EZR: variants seen among roughly 807,000 people sequenced by gnomAD.
EZR encodes the protein cytovillin 2.
A neutral mutation model predicts 74.8 loss-of-function variants in EZR; 40 were observed. The observed-to-expected ratio is 0.53, with a 90% confidence interval of 0.42 to 0.70. The LOEUF is 0.70. EZR is among the 30% of genes least tolerant of loss of function. The pLI is 0.00. For missense variants in EZR, 678 were observed against 755.8 expected (o/e 0.90, Z 1.21); for synonymous variants, 341 against 283.3 (o/e 1.20, Z -2.05).
At chr6:158,818,198 G>A in intron 1 of EZR, 32 bp from the exon 2 acceptor site, 12 of 1,248,110 alleles carry the variant, frequency 9.6e-6, no homozygotes, top group South Asian at 2.9e-5. Flanking sequence ...TAGAGCGCCC[G>A]CCCGCCCTGC....
chr6:158,769,525 T>C (rs1791028987), intron 11 of EZR, 107 bp from the exon 12 acceptor site: 2 of 1,175,308 alleles, frequency 1.7e-6, no homozygotes, highest in Admixed American at 1.9e-5. Flanking sequence ...ACGTGACACC[T>C]GAGTCCCCGC....
chr6:158,773,753 G>A (rs1255594338), intron 8 of EZR, among the ~76,000 whole-genome samples: 6 of 152,262 alleles, frequency 3.9e-5, no homozygotes, highest in Non-Finnish European at 8.8e-5. Context: ...CGTGGGGGAA[G>A]CGTCCGAGGA....
intron 2 of EZR, among the ~76,000 whole-genome samples, chr6:158,790,955 A>T (rs1407896662): frequency 1.3e-5 from 2 of 152,216 alleles, no homozygotes; most frequent in African/African-American, 4.8e-5. Flanking sequence ...CACAGGTGTA[A>T]ATGTAATAAG....
At chr6:158,794,520 C>G (rs1777025026) in intron 2 of EZR, among the ~76,000 whole-genome samples, 1 of 152,176 alleles carries the variant, frequency 6.6e-6, no homozygotes, top group South Asian at 2.1e-4. Flanking sequence ...CTGATACACA[C>G]AAGGATTGTC....
intron 2 of EZR, among the ~76,000 whole-genome samples, chr6:158,810,991 T>C (rs1215918706): frequency 6.6e-6 from 1 of 152,222 alleles, no homozygotes; most frequent in Non-Finnish European, 1.5e-5. Context: ...AAATTCTCTT[T>C]ATAGCTCTTT....
At chr6:158,767,767 C>CTA (rs1398779160) in intron 12 of EZR, among the ~76,000 whole-genome samples, 4 of 152,116 alleles carry the variant, frequency 2.6e-5, no homozygotes, top group Non-Finnish European at 5.9e-5. Context: ...ACCTGTAACT[C>CTA]TAGACATTAT....
At chr6:158,788,898 A>ACT (rs1301754459) in intron 3 of EZR, among the ~76,000 whole-genome samples, 4 of 152,138 alleles carry the variant, frequency 2.6e-5, no homozygotes, top group Non-Finnish European at 5.9e-5. Context: ...GAGGGGTTCT[A>ACT]CTCTGGAGGT....
chr6:158,780,054 G>A (rs933631907), intron 7 of EZR, among the ~76,000 whole-genome samples: 4 of 152,026 alleles, frequency 2.6e-5, no homozygotes, highest in African/African-American at 4.8e-5. Context: ...GTGGTGGCAT[G>A]TGCCTGTAAT....
rs917454692 is a variant in EZR, at chr6:158,769,517, G to GT, written c.1252-100dup. 5 of 1,250,930 alleles carry GT rather than the reference G, an allele frequency of 4.0e-6. No individual in the cohort carries two copies. The Admixed American group carries it at 5.7e-5, about 14-fold the overall frequency. 77.5% of individuals were successfully genotyped at this position (1,250,930 alleles called of 1,614,324 possible). ...TGTGTGTTGGCAAGCAGTCTCCAAC[G>GT]TGACACCTGAGTCCCCGCCACCCCC... On this transcript the variant is annotated intron_variant, in intron 11 of 13. Coordinates refer to ENST00000367075, the MANE Select transcript of EZR (RefSeq NM_001111077.2).
intron 6 of EZR, among the ~76,000 whole-genome samples, chr6:158,784,220 G>GTTAA (rs1791506512): frequency 6.6e-6 from 1 of 152,150 alleles, no homozygotes; most frequent in Non-Finnish European, 1.5e-5. Context: ...ACAGCCCCAC[G>GTTAA]TCCAGGTTCT....
At chr6:158,784,789 C>T in intron 5 of EZR, 62 bp from the exon 6 acceptor site, 1 of 1,368,674 alleles carries the variant, frequency 7.3e-7, no homozygotes, top group African/African-American at 1.4e-5. Flanking sequence ...AGGAAGGAGG[C>T]CCACTTACCA....
At chr6:158,798,166 C>CT (rs899988487) in intron 2 of EZR, among the ~76,000 whole-genome samples, 5 of 151,884 alleles carry the variant, frequency 3.3e-5, no homozygotes, top group Non-Finnish European at 5.9e-5. Flanking sequence ...GCACTTCATT[C>CT]TTTTTTTACT....
At chr6:158,793,672 A>G (rs1193353078) in intron 2 of EZR, among the ~76,000 whole-genome samples, 1 of 152,088 alleles carries the variant, frequency 6.6e-6, no homozygotes, top group African/African-American at 2.4e-5. Context: ...AAGCCATCCA[A>G]TGACTGAGTG....
intron 2 of EZR, among the ~76,000 whole-genome samples, chr6:158,795,793 C>A (rs539740198): frequency 5.3e-5 from 8 of 152,340 alleles, no homozygotes; most frequent in African/African-American, 1.9e-4. Flanking sequence ...GAAGCTGTCA[C>A]TTCCACAAGT....
intron 2 of EZR, among the ~76,000 whole-genome samples, chr6:158,802,852 A>T (rs1777217526): frequency 6.6e-6 from 1 of 152,176 alleles, no homozygotes. Context: ...ATTTAAGCAC[A>T]AGAACCATAC....
In EZR at chr6:158,783,736, A is replaced by G. The variant is rs183042256; in HGVS notation, c.552-70T>C. ...ATATCTAGAACAGTAAAACCTTTCC[A>G]GTATTTTTAAATTAAGGCGCCTTGT... On this transcript the variant is annotated intron_variant, in intron 6 of 13. Transcript: ENST00000367075. The G allele has an allele frequency of 2.6e-6, 4 of 1,513,398 alleles. No homozygotes were observed. In the East Asian group the frequency reaches 9.0e-5, roughly 34 times the overall value. The allele number at this position is 1,513,398 out of a possible 1,614,324, so 93.7% of individuals were successfully genotyped here.
At chr6:158,798,980 T>G (rs2128573468) in intron 2 of EZR, among the ~76,000 whole-genome samples, 1 of 152,294 alleles carries the variant, frequency 6.6e-6, no homozygotes, top group Non-Finnish European at 1.5e-5. Flanking sequence ...AAAAATTTGT[T>G]TTGTTATAAC....
rs1184229411 is a variant in EZR, at chr6:158,783,670, A to C, written c.552-4T>G. On this transcript the variant is annotated splice_region_variant and splice_polypyrimidine_tract_variant and intron_variant, in intron 6 of 13. Coordinates refer to ENST00000367075, the MANE Select transcript of EZR (RefSeq NM_001111077.2). ...GTATTCCAACATAGCATTATCTCTA[A>C]TTGGGGAGAGTGAAACAGGCAGAGT... The C allele has an allele frequency of 6.2e-7, 1 of 1,613,016 alleles. No homozygotes were observed. Among genetic ancestry groups the C allele is most frequent in the East Asian group, 2.2e-5 (1 of 44,868 alleles).
intron 2 of EZR, among the ~76,000 whole-genome samples, chr6:158,814,545 CTTTTTT>C (rs140662494): frequency 7.9e-6 from 1 of 127,358 alleles, no homozygotes; most frequent in Non-Finnish European, 1.7e-5. Flanking sequence ...TGAATAAAGT[CTTTTTT>C]TTTTTTTTTT....
Sources: gnomAD v4.1 joint callset for allele counts (sites outside exome capture counted in the v4.1 genomes callset) on GRCh38, gnomAD v4.1.1 for gene constraint, MANE v1.5 for transcripts, NCBI Gene and HGNC (gene_info 2026-07-23, HGNC 2026-07-21) for gene names.